The following ZNF423 variants were observed in gnomAD, a reference collection of about 807,000 sequenced individuals.
ZNF423 encodes Ebf-associated zinc finger protein.
Under a neutral mutation model 95.8 loss-of-function variants are expected in ZNF423, and 12 were observed. The observed-to-expected ratio is 0.13, with a 90% CI of 0.08 to 0.20. The LOEUF is 0.20. Ranked by LOEUF, ZNF423 falls within the 10% of genes least tolerant of loss-of-function variation. ZNF423 has a pLI of 1.00. For synonymous variants in ZNF423, 749 were observed against 711.9 expected (o/e 1.05, Z -0.83); for missense variants, 1,316 against 1,737.1 (o/e 0.76, Z 4.31).
chr16:49,781,645 G>A (rs1468702141), intron 2 of ZNF423, among the ~76,000 whole-genome samples: 2 of 152,158 alleles, frequency 1.3e-5, no homozygotes, highest in African/African-American at 2.4e-5. Context: ...GGGACTGCAC[G>A]GAGTGGCCTC....
intron 2 of ZNF423, among the ~76,000 whole-genome samples, chr16:49,753,806 G>A (rs545846130): frequency 8.4e-4 from 128 of 152,132 alleles, no homozygotes; most frequent in East Asian, 7.0e-3. Context: ...CAAGGCGGGC[G>A]GATCACCTGA....
At chr16:49,792,180 C>T (rs1185396448) in intron 1 of ZNF423, among the ~76,000 whole-genome samples, 1 of 149,538 alleles carries the variant, frequency 6.7e-6, no homozygotes, top group Non-Finnish European at 1.5e-5. Context: ...CCCAGTTCTC[C>T]TCTGACCTCT....
intron 2 of ZNF423, among the ~76,000 whole-genome samples, chr16:49,747,972 G>A (rs1265879279): frequency 6.6e-6 from 1 of 152,266 alleles, no homozygotes; most frequent in Non-Finnish European, 1.5e-5. Context: ...GAGGTGCACA[G>A]TGGCTGTCAC....
At chr16:49,692,887 T>C (rs900105801) in intron 3 of ZNF423, among the ~76,000 whole-genome samples, 1 of 152,258 alleles carries the variant, frequency 6.6e-6, no homozygotes, top group Non-Finnish European at 1.5e-5. Context: ...GGCTATTTCC[T>C]TCACCCCTGT....
At chr16:49,616,286 T>G (rs189675459) in intron 5 of ZNF423, among the ~76,000 whole-genome samples, 7 of 151,974 alleles carry the variant, frequency 4.6e-5, no homozygotes, top group Non-Finnish European at 1.0e-4. Flanking sequence ...ACTGAACTCA[T>G]GGAGATAGAG....
At position 49,490,274 on chromosome 16, in the gene ZNF423, T is replaced by G. The variant is rs1323048225; in HGVS notation, c.*1001A>C. 4 of 152,188 alleles carry G rather than the reference T, an allele frequency of 2.6e-5. No individual in the cohort carries two copies. The highest frequency in any genetic ancestry group is 9.7e-5 in the African/African-American group (4 of 41,420). The allele number at this position is 152,188 out of a possible 1,614,324, so 9.4% of individuals were successfully genotyped here. On this transcript the variant is annotated 3_prime_UTR_variant, in exon 8 of 8. Coordinates refer to ENST00000563137, the MANE Select transcript of ZNF423 (RefSeq NM_001379286.1). Reference sequence around the variant, plus strand: ...CCCTGAAGGGAAAGCCAAGAAGACTTCACAATCAGCATGGTGACCAACCTG... The same window carrying G: ...CCCTGAAGGGAAAGCCAAGAAGACTGCACAATCAGCATGGTGACCAACCTG...
chr16:49,589,643 A>G (rs1970945043), intron 5 of ZNF423, among the ~76,000 whole-genome samples: 1 of 152,196 alleles, frequency 6.6e-6, no homozygotes, highest in Non-Finnish European at 1.5e-5. Flanking sequence ...AGCGGTTTCA[A>G]AAAGTCAAAT....
intron 3 of ZNF423, among the ~76,000 whole-genome samples, chr16:49,687,749 G>A (rs1407393487): frequency 6.6e-6 from 1 of 152,206 alleles, no homozygotes; most frequent in Non-Finnish European, 1.5e-5. Context: ...TCCTGCTGCG[G>A]CTCCTGTTTC....
At chr16:49,714,077 T>C (rs1277532981) in intron 3 of ZNF423, among the ~76,000 whole-genome samples, 3 of 152,212 alleles carry the variant, frequency 2.0e-5, no homozygotes, top group Non-Finnish European at 4.4e-5. Context: ...CTGGGTCTCT[T>C]GCTTAACGCC....
At chr16:49,657,003 T>C (rs1329769006) in intron 3 of ZNF423, among the ~76,000 whole-genome samples, 3 of 151,844 alleles carry the variant, frequency 2.0e-5, no homozygotes, top group Non-Finnish European at 4.4e-5. Flanking sequence ...GGGATATGAG[T>C]TTATGAACCA....
At chr16:49,602,517 G>A (rs1254714136) in intron 5 of ZNF423, among the ~76,000 whole-genome samples, 1 of 152,168 alleles carries the variant, frequency 6.6e-6, no homozygotes, top group East Asian at 1.9e-4. Flanking sequence ...CGGGTGGGGG[G>A]CAGTTTCAGC....
At chr16:49,818,262 C>T (rs991350403) in intron 1 of ZNF423, among the ~76,000 whole-genome samples, 2 of 151,782 alleles carry the variant, frequency 1.3e-5, no homozygotes, top group African/African-American at 4.8e-5. Context: ...TGCTGAAACT[C>T]AGATGCCCGG....
At chr16:49,745,725 C>T (rs1052125556) in intron 2 of ZNF423, among the ~76,000 whole-genome samples, 5 of 152,204 alleles carry the variant, frequency 3.3e-5, no homozygotes, top group Admixed American at 1.3e-4. Flanking sequence ...CTATTAAATG[C>T]TAACTCGTGT....
intron 1 of ZNF423, among the ~76,000 whole-genome samples, chr16:49,811,571 A>G (rs1280626068): frequency 6.6e-6 from 1 of 152,192 alleles, no homozygotes; most frequent in African/African-American, 2.4e-5. Flanking sequence ...GTCCAAATAC[A>G]GTCCTTGCAC....
At chr16:49,791,452 C>G (rs1017482025) in intron 1 of ZNF423, among the ~76,000 whole-genome samples, 2 of 152,190 alleles carry the variant, frequency 1.3e-5, no homozygotes, top group African/African-American at 4.8e-5. Flanking sequence ...GCCAAAAAAT[C>G]AGTTTCCCTT....
At chr16:49,742,423 A>C (rs2033433299) in intron 2 of ZNF423, among the ~76,000 whole-genome samples, 1 of 152,212 alleles carries the variant, frequency 6.6e-6, no homozygotes, top group Non-Finnish European at 1.5e-5. Flanking sequence ...TTTTCCAGCA[A>C]GTAGTTAATG....
At chr16:49,707,356 G>A (rs367731707) in intron 3 of ZNF423, among the ~76,000 whole-genome samples, 1 of 152,204 alleles carries the variant, frequency 6.6e-6, no homozygotes, top group Admixed American at 6.5e-5. Context: ...GCTCACGCCT[G>A]TAATCCTAGC....
intron 1 of ZNF423, among the ~76,000 whole-genome samples, chr16:49,818,124 C>T (rs1018277055): frequency 6.6e-6 from 1 of 152,152 alleles, no homozygotes; most frequent in Non-Finnish European, 1.5e-5. Context: ...TCTCAGAAGG[C>T]TTCTGTGCAG....
chr16:49,750,236 TCTC>T (rs1275314496), intron 2 of ZNF423, among the ~76,000 whole-genome samples: 1 of 152,148 alleles, frequency 6.6e-6, no homozygotes, highest in Admixed American at 6.5e-5. Flanking sequence ...CTCTCCTCTT[TCTC>T]CTCCACCAAT....
Sources: allele counts gnomAD v4.1 joint callset (sites outside exome capture counted in the v4.1 genomes callset), GRCh38; gene constraint gnomAD v4.1.1; transcripts MANE v1.5; gene names NCBI Gene and HGNC (gene_info 2026-07-23, HGNC 2026-07-21).